CFAP299: variants seen among roughly 807,000 people sequenced by gnomAD.
CFAP299 encodes cilia- and flagella-associated protein 299.
Under a neutral mutation model 27.0 loss-of-function variants are expected in CFAP299, and 21 were observed. The ratio of observed to expected loss-of-function variants is 0.78; its 90% CI spans 0.55 to 1.12. CFAP299 has a LOEUF of 1.12. Ranked by LOEUF, CFAP299 falls within the 50% of genes most tolerant of loss-of-function variation. The pLI is 0.00. For synonymous variants in CFAP299, 104 were observed against 98.1 expected (o/e 1.06, Z -0.36); for missense variants, 310 against 276.6 (o/e 1.12, Z -0.86).
intron 3 of CFAP299, among the ~76,000 whole-genome samples, chr4:80,621,925 T>G (rs953160477): frequency 6.6e-6 from 1 of 151,870 alleles, no homozygotes; most frequent in Non-Finnish European, 1.5e-5. Context: ...GAAAACAAAC[T>G]ATTGTGGGTA....
chr4:80,641,722 G>A (rs1452113026), intron 3 of CFAP299, among the ~76,000 whole-genome samples: 2 of 152,066 alleles, frequency 1.3e-5, no homozygotes, highest in African/African-American at 4.8e-5. Flanking sequence ...AAGACTACAC[G>A]GGACATCACA....
chr4:80,517,401 A>T (rs1732641115), intron 2 of CFAP299, among the ~76,000 whole-genome samples: 1 of 152,128 alleles, frequency 6.6e-6, no homozygotes, highest in African/African-American at 2.4e-5. Context: ...GGGAAGAGAA[A>T]TTACCCTTAC....
intron 3 of CFAP299, among the ~76,000 whole-genome samples, chr4:80,762,395 G>A (rs1725587156): frequency 6.6e-6 from 1 of 151,998 alleles, no homozygotes. Flanking sequence ...TTGTCTGAGT[G>A]TCATACTTGC....
intron 4 of CFAP299, among the ~76,000 whole-genome samples, chr4:80,910,319 C>A (rs986692802): frequency 2.0e-5 from 3 of 152,072 alleles, no homozygotes; most frequent in Non-Finnish European, 2.9e-5. Context: ...ACCCAGCAGC[C>A]TCATTACTGG....
chr4:80,452,369 A>G (rs962950519), intron 2 of CFAP299, among the ~76,000 whole-genome samples: 6 of 149,392 alleles, frequency 4.0e-5, no homozygotes, highest in Admixed American at 6.6e-5. Context: ...GGACATGAGA[A>G]TTCAAATTAG....
intron 2 of CFAP299, chr4:80,386,521 G>A (rs1725013275): frequency 1.0e-5 from 16 of 1,567,980 alleles, no homozygotes; most frequent in Middle Eastern, 1.7e-4. Flanking sequence ...GTGGGGGGGG[G>A]GGGTGCCGCC....
At chr4:80,544,926 C>T (rs1382749552) in intron 2 of CFAP299, among the ~76,000 whole-genome samples, 1 of 152,176 alleles carries the variant, frequency 6.6e-6, no homozygotes, top group Non-Finnish European at 1.5e-5. Flanking sequence ...CTTATGTGCA[C>T]ATGGCACATA....
intron 3 of CFAP299, among the ~76,000 whole-genome samples, chr4:80,770,011 T>C (rs1169847785): frequency 6.6e-6 from 1 of 152,206 alleles, no homozygotes; most frequent in African/African-American, 2.4e-5. Flanking sequence ...TTCCTTTTTA[T>C]GAAAAGTAGC....
intron 3 of CFAP299, among the ~76,000 whole-genome samples, chr4:80,772,737 C>T (rs775143441): frequency 1.3e-5 from 2 of 151,696 alleles, no homozygotes; most frequent in African/African-American, 2.4e-5. Flanking sequence ...CAAAAGGCCC[C>T]GGAGTGTGTT....
chr4:80,382,549 A>G (rs1724758613), intron 2 of CFAP299, among the ~76,000 whole-genome samples: 1 of 152,246 alleles, frequency 6.6e-6, no homozygotes, highest in Admixed American at 6.5e-5. Flanking sequence ...ACTTTTCAAA[A>G]GAAGACATAC....
At chr4:80,761,270 T>G (rs759870575) in intron 3 of CFAP299, among the ~76,000 whole-genome samples, 33 of 152,098 alleles carry the variant, frequency 2.2e-4, no homozygotes, top group Admixed American at 3.3e-4. Flanking sequence ...AGAACATGTG[T>G]TTACCAAAAC....
At chr4:80,712,863 T>A (rs1013679532) in intron 3 of CFAP299, among the ~76,000 whole-genome samples, 1 of 152,188 alleles carries the variant, frequency 6.6e-6, no homozygotes. Context: ...AATATTTTGC[T>A]TCAAACCTGC....
At chr4:80,519,768 T>C (rs1169285215) in intron 2 of CFAP299, among the ~76,000 whole-genome samples, 1 of 152,170 alleles carries the variant, frequency 6.6e-6, no homozygotes, top group Non-Finnish European at 1.5e-5. Context: ...GAAATTTCAG[T>C]AGACCATGGC....
rs187154819 is a variant in CFAP299, at chr4:80,792,320, C to T, written c.334-77673C>T. On this transcript the variant is annotated intron_variant, in intron 3 of 5. Transcript: ENST00000358105. The stretch of plus-strand genomic sequence containing the variant: ...AATTATGTCTGGGTTGATTTGGTCT[C>T]ATAAGTATTTTGAACTTTCTGAGTT... 6.3e-3 allele frequency among the ~76,000 whole-genome samples: 965 copies of T among 152,084 alleles called. 2 individuals are homozygous for T. Among genetic ancestry groups the T allele is most frequent in the Middle Eastern group, 0.01 (3 of 294 alleles).
intron 2 of CFAP299, among the ~76,000 whole-genome samples, chr4:80,398,021 C>G (rs1725911105): frequency 6.6e-6 from 1 of 152,282 alleles, no homozygotes; most frequent in East Asian, 1.9e-4. Context: ...GCAAAAATCA[C>G]AAGCATTCTT....
chr4:80,578,153 C>A (rs1002400683), intron 2 of CFAP299, among the ~76,000 whole-genome samples: 2 of 152,132 alleles, frequency 1.3e-5, no homozygotes, highest in Non-Finnish European at 2.9e-5. Flanking sequence ...CTTTGTAGAA[C>A]TTATAACACT....
At chr4:80,822,359 A>G (rs1729752218) in intron 3 of CFAP299, among the ~76,000 whole-genome samples, 1 of 152,150 alleles carries the variant, frequency 6.6e-6, no homozygotes, top group Non-Finnish European at 1.5e-5. Flanking sequence ...AAATATTTTT[A>G]TAAATAATTC....
At chr4:80,386,519 G>GC (rs56052909) in intron 2 of CFAP299, 1,271,938 of 1,567,552 alleles carry the variant, frequency 0.81, 529,157 homozygotes, top group East Asian at 0.89. Context: ...TGGTGGGGGG[G>GC]GGGGGTGCCG....
chr4:80,589,240 T>C (rs1423599450), intron 3 of CFAP299, among the ~76,000 whole-genome samples: 2 of 152,130 alleles, frequency 1.3e-5, no homozygotes, highest in African/African-American at 4.8e-5. Context: ...AGGTTAAATA[T>C]TTTGCCCAGT....
Sources: allele counts gnomAD v4.1 joint callset (sites outside exome capture counted in the v4.1 genomes callset), GRCh38; gene constraint gnomAD v4.1.1; transcripts MANE v1.5; gene names NCBI Gene and HGNC (gene_info 2026-07-23, HGNC 2026-07-21).